Variants in NSD1 observed in about 807,000 individuals in gnomAD.
The protein encoded by NSD1 is nuclear receptor binding SET domain protein 1.
In NSD1, 26 loss-of-function variants were observed where a neutral mutation model predicts 242.7. The observed-to-expected ratio is 0.11, with a 90% CI of 0.08 to 0.15. The LOEUF (loss-of-function observed/expected upper bound fraction) is 0.15. NSD1 is among the 10% of genes least tolerant of loss of function. NSD1 has a pLI of 1.00. For missense variants in NSD1, 2,495 were observed against 3,272.8 expected, an observed-to-expected ratio of 0.76 and a Z score of 5.80; for synonymous variants, 1,106 against 1,178.1, an observed-to-expected ratio of 0.94 and a Z score of 1.25.
At chr5:177,245,269 C>A (rs892373696) in intron 9 of NSD1, among the ~76,000 whole-genome samples, 1 of 152,198 alleles carries the variant, frequency 6.6e-6, no homozygotes, top group African/African-American at 2.4e-5. Context: ...AACAACAGCT[C>A]TTTTCCTGTA....
At position 177,210,408 on chromosome 5, in the gene NSD1, A is replaced by T. The variant is rs749014401; in HGVS notation, c.2009A>T (p.Asp670Val). The part of the protein sequence containing the change: ...NSVLEIPDAF[D>V]RTENMLSMQK... ...GTCCTTGAAATTCCAGATGCTTTCGATAGAACAGAGAACATGTTATCTATG... is the reference window on the plus strand; with the variant it reads ...GTCCTTGAAATTCCAGATGCTTTCGTTAGAACAGAGAACATGTTATCTATG... Residue 670 changes from aspartate to valine, a missense_variant, in exon 5 of 23, where the codon GAT becomes GTT. Asp to Val is a radical substitution (Grantham distance 152, BLOSUM62 -3). This residue lies in a region of NSD1 where 515 missense variants were observed against 467.0 expected (regional missense o/e 1.10). Coordinates refer to ENST00000439151, the MANE Select transcript of NSD1 (RefSeq NM_022455.5). 6.2e-7 allele frequency: 1 copy of T among 1,614,168 alleles called. No individual in the cohort carries two copies. Among genetic ancestry groups the T allele is most frequent in the South Asian group, 1.1e-5 (1 of 91,082 alleles).
chr5:177,188,926 G>A (rs1761456008), intron 2 of NSD1, among the ~76,000 whole-genome samples: 1 of 152,046 alleles, frequency 6.6e-6, no homozygotes, highest in African/African-American at 2.4e-5. Flanking sequence ...CAGGCATGTT[G>A]GTGAGCATTG....
chr5:177,187,746 G>T (rs1003251919), intron 2 of NSD1, among the ~76,000 whole-genome samples: 2 of 152,048 alleles, frequency 1.3e-5, no homozygotes, highest in African/African-American at 4.8e-5. Flanking sequence ...GCCTGTCTTT[G>T]TTTCCAAATT....
intron 5 of NSD1, among the ~76,000 whole-genome samples, chr5:177,225,290 G>T (rs369405280): frequency 6.6e-6 from 1 of 151,868 alleles, no homozygotes; most frequent in Non-Finnish European, 1.5e-5. Context: ...TTACAGGCAC[G>T]TGCCACCACA....
At chr5:177,257,973 C>CTTTTTTTTTTTT (rs35034666) in intron 13 of NSD1, among the ~76,000 whole-genome samples, 3 of 52,566 alleles carry the variant, frequency 5.7e-5, no homozygotes, top group African/African-American at 1.6e-4. Context: ...CCCCCTGGGC[C>CTTTTTTTTTTTT]TTTTTTTTTT....
intron 5 of NSD1, among the ~76,000 whole-genome samples, chr5:177,215,614 A>G (rs2149855473): frequency 6.6e-6 from 1 of 151,670 alleles, no homozygotes; most frequent in African/African-American, 2.4e-5. Flanking sequence ...ATCTCAAGTC[A>G]CTGCAACCTC....
At chr5:177,198,475 ATCT>A (rs1762269546) in intron 3 of NSD1, among the ~76,000 whole-genome samples, 1 of 152,146 alleles carries the variant, frequency 6.6e-6, no homozygotes, top group African/African-American at 2.4e-5. Flanking sequence ...TCACTGTGGC[ATCT>A]TCTTTTAAGG....
At chr5:177,181,619 G>GT (rs1347322528) in intron 2 of NSD1, among the ~76,000 whole-genome samples, 1 of 151,066 alleles carries the variant, frequency 6.6e-6, no homozygotes. Context: ...TAGAGATGAG[G>GT]TTTTGCCATG....
At chr5:177,213,759 C>T (rs1562216644) in intron 5 of NSD1, among the ~76,000 whole-genome samples, 1 of 152,196 alleles carries the variant, frequency 6.6e-6, no homozygotes, top group Non-Finnish European at 1.5e-5. Flanking sequence ...GCGTGAGCCA[C>T]TGTGCCCAGC....
chr5:177,245,687 G>A (rs1219863016), intron 9 of NSD1, among the ~76,000 whole-genome samples: 1 of 150,270 alleles, frequency 6.7e-6, no homozygotes, highest in Non-Finnish European at 1.5e-5. Flanking sequence ...CCAGGCTGGA[G>A]TACAGTGGCA....
rs137993153 is a variant in NSD1, at chr5:177,210,033, C to T, written c.1634C>T (p.Thr545Met). ...LNFISGDISDTQASNELSRIA... is the reference protein window; with the variant it reads ...LNFISGDISDMQASNELSRIA... The stretch of plus-strand genomic sequence containing the variant: ...TTTATCTCTGGGGATATATCTGATA[C>T]GCAGGCCTCTAATGAACTTTCCAGG... Residue 545 changes from threonine to methionine, a missense_variant, in exon 5 of 23, where the codon ACG becomes ATG. By Grantham distance (81) the Thr-to-Met change is moderately conservative (BLOSUM62 -1). Around this residue, in one of 19 missense-constraint regions of NSD1, gnomAD observed 515 missense variants for 467.0 expected, o/e 1.10. Coordinates refer to ENST00000439151, the MANE Select transcript of NSD1 (RefSeq NM_022455.5). 5.0e-6 allele frequency: 8 copies of T among 1,613,926 alleles called. No homozygotes were observed. Among genetic ancestry groups the T allele is most frequent in the Admixed American group, 1.7e-5 (1 of 59,978 alleles).
intron 2 of NSD1, among the ~76,000 whole-genome samples, chr5:177,145,082 C>T (rs373943565): frequency 4.0e-5 from 5 of 126,228 alleles, no homozygotes; most frequent in Admixed American, 1.6e-4. Context: ...GAGACTTTGT[C>T]TCAAAAAAAA....
At chr5:177,145,575 A>G (rs995353444) in intron 2 of NSD1, among the ~76,000 whole-genome samples, 1 of 152,114 alleles carries the variant, frequency 6.6e-6, no homozygotes, top group Non-Finnish European at 1.5e-5. Flanking sequence ...CTTATTATGA[A>G]ATTTTTGTTT....
chr5:177,298,778 G>T lies in NSD1; in HGVS notation c.*3319G>T. ...GTTGCCTCATGAGAACAGAATGGCA[G>T]AAAGTTTAGTCCTGACAGATTCCCC... On this transcript the variant is annotated 3_prime_UTR_variant, in exon 23 of 23. Transcript: ENST00000439151. The T allele has an allele frequency of 4.3e-6, 1 of 233,312 alleles. No homozygotes were observed. The highest frequency in any genetic ancestry group is 8.5e-6 in the Non-Finnish European group (1 of 118,044). The allele number at this position is 233,312 out of a possible 1,614,324, so 14.5% of individuals were successfully genotyped here. A position where few individuals can be genotyped will look rare whatever the true frequency, so the allele number is the denominator to read the frequency against.
chr5:177,210,297 GTGA>G lies in NSD1; in HGVS notation c.1900_1902del (p.Asp634del), dbSNP rs1275044137. The G allele has an allele frequency of 6.2e-7, 1 of 1,610,832 alleles. No individual in the cohort carries two copies. Among genetic ancestry groups the G allele is most frequent in the African/African-American group, 1.3e-5 (1 of 74,766 alleles). ...GGAGCAGGTGATGAGGAAAAGCGAA[GTGA>G]TTCCATTAGTATCTGTACCACTTCT... On this transcript the variant is annotated inframe_deletion, in exon 5 of 23. Coordinates refer to ENST00000439151, the MANE Select transcript of NSD1 (RefSeq NM_022455.5).
rs913363208 is a variant in NSD1 at position 177,172,509 on chromosome 5, A to G, written c.928-19375A>G. On this transcript the variant is annotated intron_variant, in intron 2 of 22. Transcript: ENST00000439151. ...CTTTGAAGTAACATGAATGGTTTTT[A>G]TCATATGATACATAGAAATGACTTC... Among the ~76,000 whole-genome samples, 22 of 152,194 alleles carry G rather than the reference A, an allele frequency of 1.4e-4. 1 individual carries two copies. The highest frequency in any genetic ancestry group is 5.1e-4 in the African/African-American group (21 of 41,452).
At chr5:177,265,088 G>T in intron 14 of NSD1, 1 of 752,016 alleles carries the variant, frequency 1.3e-6, no homozygotes. Flanking sequence ...TGAAACATGT[G>T]AAGGAAAATG....
intron 19 of NSD1, 36 bp from the exon 20 acceptor site, chr5:177,283,751 A>G (rs372599185): frequency 1.2e-6 from 2 of 1,611,010 alleles, no homozygotes; most frequent in African/African-American, 1.3e-5. Context: ...CAGAGGTCTC[A>G]GGAAGTCTGA....
intron 5 of NSD1, among the ~76,000 whole-genome samples, chr5:177,235,142 C>G (rs554048476): frequency 6.6e-6 from 1 of 152,198 alleles, no homozygotes; most frequent in Non-Finnish European, 1.5e-5. Context: ...AATTCAGAGA[C>G]AGGAATGATG....
Sources: allele counts gnomAD v4.1 joint callset (sites outside exome capture counted in the v4.1 genomes callset), GRCh38; gene constraint gnomAD v4.1.1; regional missense constraint gnomAD v4.1.1; transcripts MANE v1.5; gene names NCBI Gene and HGNC (gene_info 2026-07-23, HGNC 2026-07-21).